The following SLC6A11 variants were observed in gnomAD, a reference collection of about 807,000 sequenced individuals.
SLC6A11 encodes sodium- and chloride-dependent GABA transporter 3.
A neutral mutation model predicts 74.8 loss-of-function variants in SLC6A11; 25 were observed. That is an observed-to-expected ratio of 0.33 (90% CI 0.24 to 0.47). The LOEUF (loss-of-function observed/expected upper bound fraction) is 0.47, where lower values mean the gene tolerates loss of function less well. SLC6A11 is among the 20% of genes least tolerant of loss of function. The pLI is 1.00. For synonymous variants in SLC6A11, 330 were observed against 330.2 expected, an observed-to-expected ratio of 1.00 and a Z score of 0.01; for missense variants, 574 against 837.0, an observed-to-expected ratio of 0.69 and a Z score of 3.88.
intron 6 of SLC6A11, among the ~76,000 whole-genome samples, chr3:10,879,314 G>A (rs1451911276): frequency 2.6e-5 from 4 of 152,082 alleles, no homozygotes; most frequent in African/African-American, 7.2e-5. Flanking sequence ...AATAAGGATC[G>A]CGACCCCAAG....
intron 7 of SLC6A11, among the ~76,000 whole-genome samples, chr3:10,917,155 A>G (rs548308884): frequency 6.6e-6 from 1 of 152,328 alleles, no homozygotes; most frequent in African/African-American, 2.4e-5. Context: ...CAAAAAACTC[A>G]AGGGGCTATA....
chr3:10,828,383 A>C (rs754198838), intron 4 of SLC6A11, among the ~76,000 whole-genome samples: 7 of 152,084 alleles, frequency 4.6e-5, no homozygotes, highest in Non-Finnish European at 8.8e-5. Context: ...GTTTATCTTC[A>C]CTGGAGGAGT....
rs1411652646 is a variant in SLC6A11 at position 10,926,290 on chromosome 3, A to G, written c.1233+174A>G. ...CCACTTCCCTCCCAGCAACTCTTGC[A>G]CCCCCGCCATCCACCAGGTGGGCTC... is the stretch of plus-strand genomic sequence containing the variant. On this transcript the variant is annotated intron_variant, in intron 9 of 13. Coordinates refer to ENST00000254488, the MANE Select transcript of SLC6A11 (RefSeq NM_014229.3). This position sits in a 1 kb window ranked among gnomAD's most constrained non-coding sequence, Gnocchi z 5.7. Among the ~76,000 whole-genome samples the G allele has an allele frequency of 6.7e-6, 1 of 148,208 alleles. No homozygotes were observed. The highest frequency in any genetic ancestry group is 2.1e-4 in the South Asian group (1 of 4,670).
At chr3:10,878,381 G>A (rs1382877363) in intron 6 of SLC6A11, among the ~76,000 whole-genome samples, 2 of 148,870 alleles carry the variant, frequency 1.3e-5, no homozygotes, top group Non-Finnish European at 3.0e-5. Context: ...TCCCCAACTT[G>A]ACTGACCAAC....
Position 10,931,065 on chromosome 3 carries a change from T to C in SLC6A11, c.1371+1726T>C, listed in dbSNP as rs1424279966. On this transcript the variant is annotated intron_variant, in intron 10 of 13. Transcript: ENST00000254488. Reference sequence around the variant, plus strand: ...CATTTAAACTCAGCTCTAAGAAAAATAGGCCACAAACTTCTTTTCTTCCAC... The same window carrying C: ...CATTTAAACTCAGCTCTAAGAAAAACAGGCCACAAACTTCTTTTCTTCCAC... Among the ~76,000 whole-genome samples the C allele has an allele frequency of 2.0e-5, 3 of 152,206 alleles. No individual in the cohort carries two copies. The East Asian group carries it at 5.8e-4, about 29-fold the overall frequency.
rs556320394 is a variant in SLC6A11, at chr3:10,929,253, G to T, written c.1285G>T (p.Val429Phe). ...VTAVVDMYPK[V>F]FRRGYRRELL... ...CGCCGTGGTGGACATGTACCCCAAGGTTTTCCGGAGGGGTTACCGGCGGGA... is the reference window on the plus strand; with the variant it reads ...CGCCGTGGTGGACATGTACCCCAAGTTTTTCCGGAGGGGTTACCGGCGGGA... The change falls in exon 10 of 14, where the codon GTT (valine) becomes TTT (phenylalanine). Residue 429 changes from valine to phenylalanine, a missense_variant. This residue lies in a region of SLC6A11 where 257 missense variants were observed against 341.5 expected (regional missense o/e 0.75). Transcript: ENST00000254488. 30 of 1,614,156 alleles carry T rather than the reference G, an allele frequency of 1.9e-5. No individual in the cohort carries two copies. In the South Asian group the frequency reaches 3.3e-4, roughly 18 times the overall value.
At chr3:10,852,604 C>G (rs1694590164) in intron 5 of SLC6A11, among the ~76,000 whole-genome samples, 1 of 152,212 alleles carries the variant, frequency 6.6e-6, no homozygotes, top group African/African-American at 2.4e-5. Flanking sequence ...GGCCAGGAGT[C>G]CCAGTGGCGG....
rs559620708 is a variant in SLC6A11, at chr3:10,926,758, C to T, written c.1233+642C>T. Among the ~76,000 whole-genome samples, 18 of 152,230 alleles carry T rather than the reference C, an allele frequency of 1.2e-4. No homozygotes were observed. The East Asian group carries it at 1.6e-3, about 13-fold the overall frequency. On this transcript the variant is annotated intron_variant, in intron 9 of 13. Transcript: ENST00000254488. The surrounding 1 kb of genome is among the most constrained non-coding windows in gnomAD (Gnocchi z 5.7). ...GGTTTCCCTTTGTTGCCACACAGCA[C>T]GCAGGCGCTCGCTTCCCGCACTGAG...
intron 5 of SLC6A11, among the ~76,000 whole-genome samples, chr3:10,856,801 C>T (rs929401181): frequency 6.6e-6 from 1 of 152,204 alleles, no homozygotes; most frequent in Non-Finnish European, 1.5e-5. Context: ...TGGAACCAGG[C>T]AGGCCCCGGT....
At chr3:10,935,962 A>G (rs1053873543) in intron 13 of SLC6A11, among the ~76,000 whole-genome samples, 13 of 152,000 alleles carry the variant, frequency 8.6e-5, no homozygotes, top group African/African-American at 2.4e-5. Context: ...GGATTTGCCT[A>G]CCCTGGATGT....
chr3:10,887,553 C>T (rs996897355), intron 6 of SLC6A11, among the ~76,000 whole-genome samples: 14 of 152,092 alleles, frequency 9.2e-5, no homozygotes, highest in Non-Finnish European at 1.5e-4. Flanking sequence ...TCAAGTGATT[C>T]TCCTGCCTCA....
At chr3:10,865,872 T>C in intron 5 of SLC6A11, among the ~76,000 whole-genome samples, 1 of 152,174 alleles carries the variant, frequency 6.6e-6, no homozygotes. Context: ...TCTCTTCCTG[T>C]CTGAGTAGAA....
Position 10,933,249 on chromosome 3 carries a change from GT to G in SLC6A11, c.1471del (p.Tyr491MetfsTer13). The part of the protein sequence containing the change: ...IFECICIGWV[Y>X]GSNRFYDNIE... ...TTGAGTGCATCTGCATCGGCTGGGT[GT>G]ATGGTGAGTAGCAGCCAAGCCCGTC... On this transcript the variant is annotated frameshift_variant, in exon 11 of 14. Transcript: ENST00000254488. LOFTEE classifies it high-confidence loss of function. The G allele has an allele frequency of 6.2e-7, 1 of 1,611,066 alleles. No homozygotes were observed. Among genetic ancestry groups the G allele is most frequent in the Non-Finnish European group, 8.5e-7 (1 of 1,177,242 alleles).
chr3:10,883,354 C>G (rs984588689), intron 6 of SLC6A11, among the ~76,000 whole-genome samples: 1 of 152,124 alleles, frequency 6.6e-6, no homozygotes. Context: ...TCACATTGTT[C>G]CTGCCCCAGA....
chr3:10,842,055 G>A (rs992924129), intron 4 of SLC6A11, among the ~76,000 whole-genome samples: 2 of 152,154 alleles, frequency 1.3e-5, no homozygotes, highest in Non-Finnish European at 2.9e-5. Context: ...GTAAGGCAGG[G>A]TAAGCCCACA....
intron 8 of SLC6A11, among the ~76,000 whole-genome samples, chr3:10,924,395 A>C (rs1007270053): frequency 6.6e-6 from 1 of 152,146 alleles, no homozygotes; most frequent in Non-Finnish European, 1.5e-5. Context: ...GACCGAGTCA[A>C]AAATCCTAAG....
chr3:10,840,014 C>T (rs138335392), intron 4 of SLC6A11, among the ~76,000 whole-genome samples: 2 of 152,240 alleles, frequency 1.3e-5, no homozygotes, highest in Admixed American at 6.5e-5. Context: ...GAGGCAGACT[C>T]CTCTGCCCCA....
intron 7 of SLC6A11, among the ~76,000 whole-genome samples, chr3:10,917,468 A>G (rs924893571): frequency 2.0e-5 from 3 of 152,294 alleles, no homozygotes; most frequent in Non-Finnish European, 4.4e-5. Flanking sequence ...AAAATGGGGT[A>G]TTAACATGGA....
chr3:10,886,096 C>T (rs1024622172), intron 6 of SLC6A11, among the ~76,000 whole-genome samples: 2 of 152,252 alleles, frequency 1.3e-5, no homozygotes, highest in African/African-American at 2.4e-5. Context: ...GGCAAACCCT[C>T]TCAGGGGTTC....
Sources: allele counts gnomAD v4.1 joint callset (sites outside exome capture counted in the v4.1 genomes callset), GRCh38; gene constraint gnomAD v4.1.1; regional missense constraint gnomAD v4.1.1; non-coding constraint Gnocchi (gnomAD v3.1); transcripts MANE v1.5; gene names NCBI Gene and HGNC (gene_info 2026-07-23, HGNC 2026-07-21).